The following FERMT2 variants were observed in gnomAD, a reference collection of about 807,000 sequenced individuals.
FERMT2 encodes the protein fermitin family homolog 2.
FERMT2 carries 15 observed loss-of-function variants against 82.7 expected under a neutral mutation model. The ratio of observed to expected loss-of-function variants is 0.18; its 90% CI spans 0.12 to 0.28. The LOEUF (loss-of-function observed/expected upper bound fraction) is 0.28, where lower values mean the gene tolerates loss of function less well. Among genes scored for constraint, FERMT2 ranks in the 10% least tolerant of loss-of-function variants. The pLI is 1.00. For synonymous variants in FERMT2, 274 were observed against 271.5 expected, an observed-to-expected ratio of 1.01 and a Z score of -0.09; for missense variants, 645 against 809.4, an observed-to-expected ratio of 0.80 and a Z score of 2.46.
Position 52,858,291 on chromosome 14 carries a change from C to CTTACT in FERMT2, c.*81_*85dup. 3 of 1,196,168 alleles carry CTTACT rather than the reference C, an allele frequency of 2.5e-6. No individual in the cohort carries two copies. Among genetic ancestry groups the CTTACT allele is most frequent in the Middle Eastern group, 2.0e-4 (1 of 4,978 alleles). The allele number at this position is 1,196,168 out of a possible 1,614,324, so 74.1% of individuals were successfully genotyped here. A position where few individuals can be genotyped will look rare whatever the true frequency, so the allele number is the denominator to read the frequency against. Reference sequence around the variant, plus strand: ...TCATGATAAAATGATAAATTTCAAGCTTACTTTATTAAGCAGCATATAACA... The same window carrying CTTACT: ...TCATGATAAAATGATAAATTTCAAGCTTACTTTACTTTATTAAGCAGCATATAACA... On this transcript the variant is annotated 3_prime_UTR_variant, in exon 15 of 15. Coordinates refer to ENST00000341590, the MANE Select transcript of FERMT2 (RefSeq NM_006832.3).
At chr14:52,950,097 T>C (rs1890556073) in intron 2 of FERMT2, among the ~76,000 whole-genome samples, 2 of 152,220 alleles carry the variant, frequency 1.3e-5, no homozygotes. Flanking sequence ...CTCATTCTTT[T>C]ATCGTTCTGT....
At chr14:52,862,769 G>C (rs1345095523) in intron 12 of FERMT2, 2 of 152,178 alleles carry the variant, frequency 1.3e-5, no homozygotes, top group East Asian at 1.9e-4. Context: ...AACATGAAAG[G>C]CAAGGCCAGA....
At chr14:52,874,706 G>C (rs1473003897) in intron 8 of FERMT2, among the ~76,000 whole-genome samples, 2 of 152,184 alleles carry the variant, frequency 1.3e-5, no homozygotes, top group East Asian at 3.8e-4. Context: ...CTGCAGAAAT[G>C]TCTTCCCACC....
intron 2 of FERMT2, among the ~76,000 whole-genome samples, chr14:52,939,448 T>C (rs2139694422): frequency 6.6e-6 from 1 of 151,860 alleles, no homozygotes; most frequent in South Asian, 2.1e-4. Flanking sequence ...ATAATACTGG[T>C]ATTTATCTGG....
intron 2 of FERMT2, among the ~76,000 whole-genome samples, chr14:52,946,105 A>G (rs2139712310): frequency 6.6e-6 from 1 of 152,152 alleles, no homozygotes. Flanking sequence ...TCGAGCTCCT[A>G]ACCTTCTGAT....
intron 2 of FERMT2, 83 bp downstream of exon 2, chr14:52,950,329 G>GC: frequency 1.4e-6 from 2 of 1,387,732 alleles, no homozygotes; most frequent in Non-Finnish European, 2.0e-6. Context: ...TCTCAAATGG[G>GC]CCCCTCCCCC....
chr14:52,924,436 GCAGATACTCCAC>G (rs1252900729), intron 2 of FERMT2, among the ~76,000 whole-genome samples: 1 of 152,068 alleles, frequency 6.6e-6, no homozygotes, highest in African/African-American at 2.4e-5. Flanking sequence ...TTTTTTATGG[GCAGATACTCCAC>G]CACCTTGGTG....
At chr14:52,879,608 C>T (rs771667761) in intron 6 of FERMT2, among the ~76,000 whole-genome samples, 2 of 151,928 alleles carry the variant, frequency 1.3e-5, no homozygotes, top group Non-Finnish European at 2.9e-5. Context: ...TATGATGTGG[C>T]CTGAAAATGA....
At chr14:52,894,895 A>G (rs1487287114) in intron 3 of FERMT2, among the ~76,000 whole-genome samples, 1 of 151,564 alleles carries the variant, frequency 6.6e-6, no homozygotes, top group Non-Finnish European at 1.5e-5. Context: ...ATAAAAAAAA[A>G]AAAAAAACCC....
chr14:52,881,810 A>C (rs190353996), intron 4 of FERMT2: 2 of 1,302,108 alleles, frequency 1.5e-6, no homozygotes, highest in Non-Finnish European at 2.0e-6. Flanking sequence ...CAGAGGGCCA[A>C]TGTAAAGAAC....
intron 1 of FERMT2, 132 bp from the exon 2 acceptor site, chr14:52,950,709 G>GGGC (rs1174086257): frequency 3.5e-6 from 3 of 851,366 alleles, no homozygotes; most frequent in East Asian, 5.4e-5. Flanking sequence ...AAACTCGGGA[G>GGGC]GGCGGCGGCG....
intron 3 of FERMT2, among the ~76,000 whole-genome samples, chr14:52,917,249 T>C (rs541058116): frequency 1.3e-5 from 2 of 152,168 alleles, no homozygotes; most frequent in African/African-American, 4.8e-5. Flanking sequence ...ATACAGTTTA[T>C]GGATATATAC....
At position 52,872,863 on chromosome 14, in the gene FERMT2, G is replaced by T. The variant is rs984815243; in HGVS notation, c.1209C>A (p.Ser403=). The T allele has an allele frequency of 6.2e-7, 1 of 1,613,876 alleles. No homozygotes were observed. Among genetic ancestry groups the T allele is most frequent in the South Asian group, 1.1e-5 (1 of 91,068 alleles). ...CTTCTTTGCTCTTATAACAAGAAATGGATGTGTCTTTGAAGGTGCACCAAT... is the reference window on the plus strand; with the variant it reads ...CTTCTTTGCTCTTATAACAAGAAATTGATGTGTCTTTGAAGGTGCACCAAT... ...KQYWCTFKDT[S]ISCYKSKEES... Residue 403 remains serine, a synonymous_variant, in exon 10 of 15, where the codon TCC becomes TCA. Transcript: ENST00000341590.
intron 3 of FERMT2, among the ~76,000 whole-genome samples, chr14:52,900,273 C>A (rs1335970858): frequency 6.6e-6 from 1 of 151,986 alleles, no homozygotes; most frequent in Non-Finnish European, 1.5e-5. Flanking sequence ...AGCCACTACA[C>A]CCAGTGATAG....
intron 2 of FERMT2, among the ~76,000 whole-genome samples, chr14:52,936,322 G>T (rs1889834907): frequency 1.3e-5 from 2 of 152,102 alleles, no homozygotes; most frequent in South Asian, 4.1e-4. Flanking sequence ...ATGTATACTG[G>T]AAAAATTATT....
At chr14:52,931,886 G>A (rs1345217030) in intron 2 of FERMT2, among the ~76,000 whole-genome samples, 1 of 152,104 alleles carries the variant, frequency 6.6e-6, no homozygotes, top group Non-Finnish European at 1.5e-5. Context: ...AAAATTAGCT[G>A]GGTGTGGTAG....
At chr14:52,944,558 A>C (rs1890239423) in intron 2 of FERMT2, among the ~76,000 whole-genome samples, 1 of 152,202 alleles carries the variant, frequency 6.6e-6, no homozygotes, top group Non-Finnish European at 1.5e-5. Flanking sequence ...TTTTTTGTGT[A>C]ACGAAGCCCC....
intron 14 of FERMT2, 178 bp downstream of exon 14, chr14:52,859,395 C>G: frequency 1.9e-6 from 1 of 540,346 alleles, no homozygotes; most frequent in East Asian, 3.4e-5. Flanking sequence ...ATTTTAGTAA[C>G]TGGGCTAATT....
chr14:52,920,668 G>T (rs1332027458), intron 2 of FERMT2, among the ~76,000 whole-genome samples: 1 of 151,338 alleles, frequency 6.6e-6, no homozygotes, highest in Non-Finnish European at 1.5e-5. Flanking sequence ...AAAAACATGT[G>T]AATGCTGGGC....
Sources: gnomAD v4.1 joint callset for allele counts (sites outside exome capture counted in the v4.1 genomes callset) on GRCh38, gnomAD v4.1.1 for gene constraint, MANE v1.5 for transcripts, NCBI Gene and HGNC (gene_info 2026-07-23, HGNC 2026-07-21) for gene names.